The following ROBO1 variants were observed in gnomAD, a reference collection of about 807,000 sequenced individuals.
ROBO1 encodes the protein roundabout guidance receptor 1.
Under a neutral mutation model 195.9 loss-of-function variants are expected in ROBO1, and 149 were observed. The observed-to-expected ratio is 0.76, with a 90% CI of 0.67 to 0.87. The LOEUF is 0.87. ROBO1 is among the 40% of genes least tolerant of loss of function. The probability of loss-of-function intolerance (pLI) is 0.00; values close to 1 mark genes in which losing one functional copy is unlikely to be tolerated. For synonymous variants in ROBO1, 816 were observed against 733.2 expected (o/e 1.11, Z -1.82); for missense variants, 1,933 against 2,068.3 (o/e 0.93, Z 1.27).
intron 4 of ROBO1, among the ~76,000 whole-genome samples, chr3:78,753,876 C>T (rs2082861079): frequency 6.6e-6 from 1 of 152,146 alleles, no homozygotes; most frequent in African/African-American, 2.4e-5. Flanking sequence ...CAGTAACTTA[C>T]TGTATGTTTG....
At chr3:78,974,710 TG>T (rs1421396396) in intron 3 of ROBO1, among the ~76,000 whole-genome samples, 2 of 152,162 alleles carry the variant, frequency 1.3e-5, no homozygotes, top group Admixed American at 6.5e-5. Flanking sequence ...TCACATCTAA[TG>T]GTTTTTCTAT....
intron 3 of ROBO1, among the ~76,000 whole-genome samples, chr3:79,025,669 G>A (rs1285866634): frequency 1.3e-5 from 2 of 152,066 alleles, no homozygotes; most frequent in African/African-American, 4.8e-5. Context: ...CACTTATGGA[G>A]CTCATGTTTC....
At chr3:78,688,892 C>T in intron 8 of ROBO1, 120 bp from the exon 9 acceptor site, 1 of 880,492 alleles carries the variant, frequency 1.1e-6, no homozygotes, top group Non-Finnish European at 1.6e-6. Context: ...GTAAAACAGT[C>T]ATGATATACC....
intron 2 of ROBO1, among the ~76,000 whole-genome samples, chr3:79,274,815 C>T (rs980788887): frequency 1.8e-4 from 27 of 151,958 alleles, no homozygotes; most frequent in African/African-American, 6.5e-4. Flanking sequence ...GCAACAAATA[C>T]CGCAGAAATC....
rs547551238 is a variant in ROBO1 at position 78,692,261 on chromosome 3, CTT to C, written c.1046-3491_1046-3490del. Among the ~76,000 whole-genome samples the C allele has an allele frequency of 7.2e-4, 110 of 151,972 alleles. 1 individual carries two copies. The highest frequency in any genetic ancestry group is 6.4e-3 in the East Asian group (33 of 5,162). On this transcript the variant is annotated intron_variant, in intron 8 of 30. Transcript: ENST00000464233. ...AGTCACTTTTATAATATTATTGTAA[CTT>C]TTTGTTTTTTTCTCTTTCTGAGGCA... is the stretch of plus-strand genomic sequence containing the variant.
chr3:79,470,113 A>G (rs957961484), intron 2 of ROBO1, among the ~76,000 whole-genome samples: 4 of 152,224 alleles, frequency 2.6e-5, no homozygotes, highest in Non-Finnish European at 5.9e-5. Flanking sequence ...ATGAACATGT[A>G]TGTTTATTGC....
intron 1 of ROBO1, among the ~76,000 whole-genome samples, chr3:79,684,019 T>C (rs1947027365): frequency 6.6e-6 from 1 of 152,126 alleles, no homozygotes; most frequent in Non-Finnish European, 1.5e-5. Context: ...ATTGAGGAAT[T>C]GCCAAAATGT....
chr3:79,734,077 A>C (rs1016487212), intron 1 of ROBO1, among the ~76,000 whole-genome samples: 2 of 151,762 alleles, frequency 1.3e-5, no homozygotes, highest in African/African-American at 4.8e-5. Flanking sequence ...CCTTCTGAGT[A>C]GCTGGGATTA....
intron 3 of ROBO1, among the ~76,000 whole-genome samples, chr3:78,988,725 AC>A (rs1210583076): frequency 6.6e-6 from 1 of 152,186 alleles, no homozygotes; most frequent in Non-Finnish European, 1.5e-5. Context: ...TATTACTTTT[AC>A]AGATTTAAAA....
At chr3:79,129,594 C>A (rs1315284590) in intron 2 of ROBO1, among the ~76,000 whole-genome samples, 1 of 152,034 alleles carries the variant, frequency 6.6e-6, no homozygotes, top group Admixed American at 6.6e-5. Context: ...TATAATAATT[C>A]ATTAAATGTT....
chr3:78,863,906 T>C (rs1467679339), intron 4 of ROBO1, among the ~76,000 whole-genome samples: 1 of 152,192 alleles, frequency 6.6e-6, no homozygotes, highest in Non-Finnish European at 1.5e-5. Context: ...CATGGCACAC[T>C]GATTCAGCTG....
intron 3 of ROBO1, among the ~76,000 whole-genome samples, chr3:79,011,917 A>T (rs2077789982): frequency 6.6e-6 from 1 of 152,006 alleles, no homozygotes; most frequent in East Asian, 1.9e-4. Flanking sequence ...GGGCATACGA[A>T]CTGTGTTTCA....
intron 1 of ROBO1, among the ~76,000 whole-genome samples, chr3:79,669,070 C>A (rs774310380): frequency 2.0e-5 from 3 of 151,820 alleles, no homozygotes; most frequent in Non-Finnish European, 2.9e-5. Context: ...AGTCCCTACC[C>A]AAATCTCACC....
intron 3 of ROBO1, among the ~76,000 whole-genome samples, chr3:78,998,647 A>T (rs978295441): frequency 6.6e-6 from 1 of 152,060 alleles, no homozygotes; most frequent in Non-Finnish European, 1.5e-5. Context: ...TAGTCACCTG[A>T]AATCCCTTCC....
At chr3:79,044,256 T>C (rs547040167) in intron 3 of ROBO1, among the ~76,000 whole-genome samples, 31 of 152,248 alleles carry the variant, frequency 2.0e-4, no homozygotes, top group African/African-American at 7.2e-4. Flanking sequence ...ACAAGCTCAG[T>C]GTAGATGTTT....
chr3:79,635,506 C>A (rs1028797221), intron 1 of ROBO1, among the ~76,000 whole-genome samples: 10 of 152,114 alleles, frequency 6.6e-5, no homozygotes, highest in Admixed American at 5.9e-4. Context: ...GAATAACTAT[C>A]ATTGAACACC....
intron 4 of ROBO1, among the ~76,000 whole-genome samples, chr3:78,860,176 TA>T (rs1006479080): frequency 2.7e-5 from 4 of 150,470 alleles, no homozygotes. Context: ...GATAGATAGA[TA>T]GATAGATGAT....
intron 3 of ROBO1, among the ~76,000 whole-genome samples, chr3:79,076,886 T>C (rs986411945): frequency 6.6e-6 from 1 of 151,894 alleles, no homozygotes; most frequent in African/African-American, 2.4e-5. Flanking sequence ...AGACAATTTT[T>C]CATATTTAAC....
intron 3 of ROBO1, among the ~76,000 whole-genome samples, chr3:78,941,127 T>A (rs531862592): frequency 6.6e-6 from 1 of 152,324 alleles, no homozygotes; most frequent in South Asian, 2.1e-4. Flanking sequence ...ATCTATTATT[T>A]GCTCATGTCC....
Sources: gnomAD v4.1 joint callset for allele counts (sites outside exome capture counted in the v4.1 genomes callset) on GRCh38, gnomAD v4.1.1 for gene constraint, MANE v1.5 for transcripts, NCBI Gene and HGNC (gene_info 2026-07-23, HGNC 2026-07-21) for gene names.